DCPH1: variants seen among roughly 807,000 people sequenced by gnomAD.
DCPH1 encodes the protein damage control phosphatase 1, also known as damage-control phosphatase 1.
chr6:151,457,725 T>G, the DCPH1 span, among the ~76,000 whole-genome samples: 3 of 152,082 alleles, frequency 2.0e-5, no homozygotes, highest in East Asian at 5.8e-4. Context: ...CTCTACATTT[T>G]ATTATATACG....
chr6:151,452,629 G>T, the DCPH1 span: 1 of 1,587,934 alleles, frequency 6.3e-7, no homozygotes. Context: ...GGAAAGCCGG[G>T]CCTCGCCGGG....
At chr6:151,453,328 G>A in the DCPH1 span, among the ~76,000 whole-genome samples, 1 of 152,184 alleles carries the variant, frequency 6.6e-6, no homozygotes, top group African/African-American at 2.4e-5. Flanking sequence ...AAATGTAGTA[G>A]TTAGGAAAAC....
At chr6:151,462,641 T>C in the DCPH1 span, among the ~76,000 whole-genome samples, 1 of 152,250 alleles carries the variant, frequency 6.6e-6, no homozygotes, top group South Asian at 2.1e-4. Flanking sequence ...ATAAACATTC[T>C]GACACTTTTT....
At chr6:151,469,255 G>C in the DCPH1 span, 2 of 592,814 alleles carry the variant, frequency 3.4e-6, no homozygotes, top group East Asian at 5.9e-5. Context: ...ACGTGCACTG[G>C]ATGATTTTTC....
chr6:151,468,826 G>C, the DCPH1 span: 1 of 1,614,210 alleles, frequency 6.2e-7, no homozygotes, highest in South Asian at 1.1e-5. Flanking sequence ...AATGCCTCAG[G>C]TTGCACCTGA....
At chr6:151,464,660 CAG>C in the DCPH1 span, 140 of 1,423,452 alleles carry the variant, frequency 9.8e-5, no homozygotes, top group Non-Finnish European at 3.8e-5. Flanking sequence ...TTTATTTAAA[CAG>C]AAAATAAACT....
At chr6:151,460,783 C>CA in the DCPH1 span, among the ~76,000 whole-genome samples, 11,224 of 141,066 alleles carry the variant, frequency 0.08, 553 homozygotes, top group East Asian at 0.18. Context: ...GACTCTGTCT[C>CA]AAAAAAAAAA....
the DCPH1 span, chr6:151,464,586 C>A: frequency 1.3e-5 from 21 of 1,609,248 alleles, no homozygotes; most frequent in Non-Finnish European, 1.8e-5. Context: ...AGATGAAAAT[C>A]AGCTGAAAGA....
chr6:151,461,856 T>C, the DCPH1 span, among the ~76,000 whole-genome samples: 1 of 152,184 alleles, frequency 6.6e-6, no homozygotes, highest in Admixed American at 6.6e-5. Flanking sequence ...TTCAAGAAAC[T>C]AGAATGTTGC....
At chr6:151,453,198 A>G in the DCPH1 span, among the ~76,000 whole-genome samples, 8 of 152,338 alleles carry the variant, frequency 5.3e-5, no homozygotes, top group African/African-American at 1.9e-4. Flanking sequence ...AATGGCCCCA[A>G]ATTGAGGCAG....
chr6:151,464,606 T>G, the DCPH1 span: 1 of 1,607,298 alleles, frequency 6.2e-7, no homozygotes, highest in Admixed American at 1.7e-5. Flanking sequence ...ATGAGTTTTT[T>G]AAACTTCTGC....
chr6:151,458,363 C>T, the DCPH1 span: 1 of 1,613,274 alleles, frequency 6.2e-7, no homozygotes, highest in Non-Finnish European at 8.5e-7. Flanking sequence ...CTATCTCTCT[C>T]CTTTCTAAAT....
the DCPH1 span, among the ~76,000 whole-genome samples, chr6:151,457,039 C>A: frequency 2.6e-5 from 4 of 152,166 alleles, no homozygotes; most frequent in Non-Finnish European, 5.9e-5. Context: ...GCCTTTCTGT[C>A]CCTTTTTCAT....
the DCPH1 span, among the ~76,000 whole-genome samples, chr6:151,463,635 GTTA>G: frequency 2.0e-4 from 30 of 151,604 alleles, no homozygotes; most frequent in African/African-American, 7.3e-4. Context: ...ATACTGGTAT[GTTA>G]TTTAAAAAAA....
At chr6:151,453,697 A>G in the DCPH1 span, among the ~76,000 whole-genome samples, 8 of 152,228 alleles carry the variant, frequency 5.3e-5, no homozygotes, top group South Asian at 2.1e-4. Flanking sequence ...CTAGTCAGCT[A>G]AGCTCTGTGC....
the DCPH1 span, among the ~76,000 whole-genome samples, chr6:151,460,952 G>A: frequency 2.0e-5 from 3 of 152,184 alleles, no homozygotes; most frequent in African/African-American, 7.2e-5. Flanking sequence ...CATTTTAACA[G>A]TTTAGGTGAT....
At chr6:151,452,863 A>G in the DCPH1 span, 2 of 366,558 alleles carry the variant, frequency 5.5e-6, no homozygotes, top group Non-Finnish European at 9.7e-6. Context: ...TTATTTATTC[A>G]CTTTAATAGA....
At chr6:151,464,443 C>T in the DCPH1 span, 1 of 1,591,400 alleles carries the variant, frequency 6.3e-7, no homozygotes, top group Non-Finnish European at 8.6e-7. Context: ...TTGTTTTTCT[C>T]CTACTTTAGT....
At chr6:151,464,496 C>G in the DCPH1 span, 3 of 1,609,918 alleles carry the variant, frequency 1.9e-6, no homozygotes, top group Middle Eastern at 3.3e-4. Context: ...ATCAAAAGAG[C>G]AAAATTTCTA....
Sources: allele counts gnomAD v4.1 joint callset (sites outside exome capture counted in the v4.1 genomes callset), GRCh38; gene constraint gnomAD v4.1.1; transcripts MANE v1.5; gene names NCBI Gene and HGNC (gene_info 2026-07-23, HGNC 2026-07-21).